PIAS2: variants seen among roughly 807,000 people sequenced by gnomAD.
PIAS2 encodes the protein protein inhibitor of activated STAT 2.
PIAS2 carries 19 observed loss-of-function variants against 69.7 expected under a neutral mutation model. That is an observed-to-expected ratio of 0.27 (90% CI 0.19 to 0.40). The LOEUF (loss-of-function observed/expected upper bound fraction) is 0.40, where lower values mean the gene tolerates loss of function less well. PIAS2 is among the 10% of genes least tolerant of loss of function. PIAS2 has a pLI of 1.00. For synonymous variants in PIAS2, 261 were observed against 263.2 expected (o/e 0.99, Z 0.08); for missense variants, 624 against 757.0 (o/e 0.82, Z 2.06).
At chr18:46,887,920 A>G (rs918835483) in intron 2 of PIAS2, among the ~76,000 whole-genome samples, 6 of 152,220 alleles carry the variant, frequency 3.9e-5, no homozygotes, top group African/African-American at 1.4e-4. Context: ...AGAAAGAAGT[A>G]AAATTATTCC....
intron 1 of PIAS2, chr18:46,891,801 C>T (rs1598890874): frequency 5.7e-6 from 1 of 173,972 alleles, no homozygotes; most frequent in Non-Finnish European, 1.1e-5. Flanking sequence ...GGGCGTAAAA[C>T]AAAGGTTATA....
intron 1 of PIAS2, among the ~76,000 whole-genome samples, chr18:46,909,131 C>G (rs889064745): frequency 6.6e-6 from 1 of 151,938 alleles, no homozygotes; most frequent in African/African-American, 2.4e-5. Context: ...AAAACTAGTA[C>G]AAACATGGGC....
At chr18:46,887,027 A>G (rs2053316847) in intron 2 of PIAS2, among the ~76,000 whole-genome samples, 3 of 152,290 alleles carry the variant, frequency 2.0e-5, no homozygotes, top group Admixed American at 2.0e-4. Context: ...TGCTTGTGGA[A>G]TTTAAACTGG....
intron 2 of PIAS2, among the ~76,000 whole-genome samples, chr18:46,883,496 A>G (rs1170422196): frequency 6.6e-6 from 1 of 151,832 alleles, no homozygotes; most frequent in Non-Finnish European, 1.5e-5. Flanking sequence ...TGACCTCAGG[A>G]GTTCAAGACC....
intron 2 of PIAS2, among the ~76,000 whole-genome samples, chr18:46,883,098 A>G (rs569957127): frequency 4.0e-5 from 6 of 151,174 alleles, no homozygotes; most frequent in Admixed American, 3.9e-4. Context: ...ACTCCGTCTC[A>G]AAAGAAAAAA....
chr18:46,835,033 G>A (rs1032047891), intron 9 of PIAS2, among the ~76,000 whole-genome samples: 2 of 152,114 alleles, frequency 1.3e-5, no homozygotes, highest in African/African-American at 4.8e-5. Context: ...ACATCACAGG[G>A]CAATTTTAAA....
At chr18:46,917,234 C>G in intron 1 of PIAS2, 88 bp downstream of exon 1, 1 of 1,405,120 alleles carries the variant, frequency 7.1e-7, no homozygotes, top group Non-Finnish European at 9.4e-7. Flanking sequence ...CCCAGAGGCA[C>G]GAGCAGGCGG....
intron 8 of PIAS2, among the ~76,000 whole-genome samples, chr18:46,840,376 A>G (rs532170919): frequency 7.9e-5 from 12 of 152,208 alleles, no homozygotes; most frequent in Non-Finnish European, 1.3e-4. Flanking sequence ...AGAGAAAAAG[A>G]ACACAAAATG....
rs1321550525 is a variant in PIAS2, at chr18:46,811,482, C to T, written c.*951G>A. 1 of 152,070 alleles carries T rather than the reference C, an allele frequency of 6.6e-6. No individual in the cohort carries two copies. The highest frequency in any genetic ancestry group is 1.5e-5 in the Non-Finnish European group (1 of 68,000). The allele number at this position is 152,070 out of a possible 1,614,324, so 9.4% of individuals were successfully genotyped here. A position where few individuals can be genotyped will look rare whatever the true frequency, so the allele number is the denominator to read the frequency against. ...GGGAAGAAATTAAATTTTGTTATTA[C>T]CACCTCCCAAAATCTGCTCTTCTGC... On this transcript the variant is annotated 3_prime_UTR_variant, in exon 14 of 14. Transcript: ENST00000585916.
intron 2 of PIAS2, among the ~76,000 whole-genome samples, chr18:46,879,181 T>C (rs1029167119): frequency 7.9e-5 from 12 of 151,528 alleles, no homozygotes; most frequent in African/African-American, 1.7e-4. Flanking sequence ...TAAAAGGGAG[T>C]AGGGTAGGAG....
chr18:46,848,755 AAG>A (rs2046523107), intron 5 of PIAS2, among the ~76,000 whole-genome samples: 1 of 151,096 alleles, frequency 6.6e-6, no homozygotes, highest in Admixed American at 6.6e-5. Context: ...ATGGAAATGA[AAG>A]AGAGAGACAG....
At chr18:46,883,657 A>G (rs940246532) in intron 2 of PIAS2, among the ~76,000 whole-genome samples, 5 of 152,092 alleles carry the variant, frequency 3.3e-5, no homozygotes, top group Admixed American at 2.6e-4. Flanking sequence ...TGGGCAACAT[A>G]GCAAAATCTC....
chr18:46,865,778 A>G (rs911102155), intron 2 of PIAS2, among the ~76,000 whole-genome samples: 1 of 152,224 alleles, frequency 6.6e-6, no homozygotes, highest in African/African-American at 2.4e-5. Flanking sequence ...AAAGGAGGGA[A>G]GAGGGAGATG....
At chr18:46,919,454 C>A (rs1317311461), upstream of PIAS2, among the ~76,000 whole-genome samples, 2 of 151,764 alleles carry the variant, frequency 1.3e-5, no homozygotes, top group Non-Finnish European at 2.9e-5. Flanking sequence ...CCATTGCACT[C>A]CAGCCTGGGC....
At chr18:46,835,531 ATCC>A (rs1460329135) in intron 9 of PIAS2, among the ~76,000 whole-genome samples, 1 of 152,124 alleles carries the variant, frequency 6.6e-6, no homozygotes, top group Non-Finnish European at 1.5e-5. Context: ...GGCTCAAGTG[ATCC>A]TCCCACCTCA....
chr18:46,910,110 C>T (rs113187189), intron 1 of PIAS2, among the ~76,000 whole-genome samples: 7,054 of 152,094 alleles, frequency 0.046, 193 homozygotes, highest in Non-Finnish European at 0.064. Flanking sequence ...GAGTCAAGAT[C>T]GCGCCACTGC....
chr18:46,844,108 T>C lies in PIAS2; in HGVS notation c.987A>G (p.Ala329=). ...SRALIKEKLT[A]DPDSEIATTS... ...TTGTAGCAATTTCACTATCAGGATC[T>C]GCAGTAAGTTTTTCTTTAACTTTAA... is the stretch of plus-strand genomic sequence containing the variant. The change falls in exon 8 of 14, where the codon GCA becomes GCG. Residue 329 remains alanine, a synonymous_variant. Coordinates refer to ENST00000585916, the MANE Select transcript of PIAS2 (RefSeq NM_004671.5). 1 of 1,500,542 alleles carries C rather than the reference T, an allele frequency of 6.7e-7. No homozygotes were observed. The highest frequency in any genetic ancestry group is 1.5e-5 in the South Asian group (1 of 67,998). The allele number at this position is 1,500,542 out of a possible 1,614,324, so 93.0% of individuals were successfully genotyped here.
chr18:46,811,647 C>G lies in PIAS2; in HGVS notation c.*786G>C, dbSNP rs2041008630. 1 of 152,112 alleles carries G rather than the reference C, an allele frequency of 6.6e-6. No homozygotes were observed. Among genetic ancestry groups the G allele is most frequent in the African/African-American group, 2.4e-5 (1 of 41,426 alleles). The allele number at this position is 152,112 out of a possible 1,614,324, so 9.4% of individuals were successfully genotyped here. A position where few individuals can be genotyped will look rare whatever the true frequency, so the allele number is the denominator to read the frequency against. On this transcript the variant is annotated 3_prime_UTR_variant, in exon 14 of 14. Coordinates refer to ENST00000585916, the MANE Select transcript of PIAS2 (RefSeq NM_004671.5). The stretch of plus-strand genomic sequence containing the variant: ...GCAAGCCTCAAATTTATAGAAAACT[C>G]TAGAATGAAAAATGTACAATTACTA...
intron 5 of PIAS2, among the ~76,000 whole-genome samples, chr18:46,852,108 T>C (rs1237533386): frequency 6.6e-6 from 1 of 152,244 alleles, no homozygotes; most frequent in African/African-American, 2.4e-5. Context: ...TTTCTTCTTC[T>C]GAGGCTGCAG....
Sources: allele counts gnomAD v4.1 joint callset (sites outside exome capture counted in the v4.1 genomes callset), GRCh38; gene constraint gnomAD v4.1.1; transcripts MANE v1.5; gene names NCBI Gene and HGNC (gene_info 2026-07-23, HGNC 2026-07-21).